The following BANK1 variants were observed in gnomAD, a reference collection of about 807,000 sequenced individuals.
BANK1 encodes the protein B cell scaffold protein with ankyrin repeats 1.
A neutral mutation model predicts 94.5 loss-of-function variants in BANK1; 95 were observed. The ratio of observed to expected loss-of-function variants is 1.00; its 90% CI spans 0.85 to 1.19. The LOEUF (loss-of-function observed/expected upper bound fraction) is 1.19, where lower values mean the gene tolerates loss of function less well. Ranked by LOEUF, BANK1 falls within the 50% of genes most tolerant of loss-of-function variation. The probability of loss-of-function intolerance (pLI) is 0.00; values close to 1 mark genes in which losing one functional copy is unlikely to be tolerated. For synonymous variants in BANK1, 334 were observed against 308.4 expected (o/e 1.08, Z -0.87); for missense variants, 987 against 932.2 (o/e 1.06, Z -0.77).
intron 7 of BANK1, among the ~76,000 whole-genome samples, chr4:101,922,608 T>G (rs1723034479): frequency 6.6e-6 from 1 of 151,832 alleles, no homozygotes; most frequent in South Asian, 2.1e-4. Context: ...AAATAATTGG[T>G]CATATTTCCT....
chr4:101,988,273 A>T (rs1725582950), intron 7 of BANK1, among the ~76,000 whole-genome samples: 1 of 152,206 alleles, frequency 6.6e-6, no homozygotes. Context: ...TATGTTTTCT[A>T]TAAATGTAAA....
At chr4:101,812,382 A>G (rs1287587180) in intron 1 of BANK1, among the ~76,000 whole-genome samples, 1 of 151,996 alleles carries the variant, frequency 6.6e-6, no homozygotes, top group Non-Finnish European at 1.5e-5. Context: ...TCTTATTTTT[A>G]CAAACTCAGA....
At chr4:101,875,752 T>C (rs1001339040) in intron 5 of BANK1, among the ~76,000 whole-genome samples, 2 of 152,182 alleles carry the variant, frequency 1.3e-5, no homozygotes, top group Non-Finnish European at 2.9e-5. Flanking sequence ...CACTCTGAAG[T>C]TGAGTTCCTG....
At position 101,895,378 on chromosome 4, in the gene BANK1, C is replaced by A; in HGVS notation, c.977C>A (p.Ser326Tyr). Residue 326 changes from serine (S) to tyrosine (Y), a missense_variant, in exon 6 of 17, where the codon TCT becomes TAT. Transcript: ENST00000322953. ...KHEIPYYEFQ[S>Y]LQTEICSQNK... ...GAGATACCATATTATGAGTTCCAGT[C>A]TCTTCAAACTGAAATTTGTTCTCAA... 1 of 1,591,884 alleles carries A rather than the reference C, an allele frequency of 6.3e-7. No homozygotes were observed.
intron 7 of BANK1, among the ~76,000 whole-genome samples, chr4:101,929,328 TTA>T (rs1723269276): frequency 1.3e-5 from 2 of 151,606 alleles, no homozygotes; most frequent in Non-Finnish European, 3.0e-5. Flanking sequence ...AAGGTCCAAA[TTA>T]TATGTATGAA....
At chr4:101,990,424 T>G (rs1725660703) in intron 7 of BANK1, among the ~76,000 whole-genome samples, 2 of 152,158 alleles carry the variant, frequency 1.3e-5, no homozygotes, top group Non-Finnish European at 2.9e-5. Flanking sequence ...CCCTATGACT[T>G]CCAAGATACC....
intron 2 of BANK1, among the ~76,000 whole-genome samples, chr4:101,844,895 T>G (rs1047238888): frequency 6.6e-6 from 1 of 150,528 alleles, no homozygotes; most frequent in Admixed American, 6.6e-5. Flanking sequence ...TAGACCTAAC[T>G]GGGAAGGGTC....
chr4:101,916,292 TCTTTATTGTGTG>T (rs925824087), intron 6 of BANK1, among the ~76,000 whole-genome samples: 22 of 152,056 alleles, frequency 1.4e-4, no homozygotes, highest in African/African-American at 4.6e-4. Context: ...TTTAATCTTC[TCTTTATTGTGTG>T]CTTTATTGTT....
intron 2 of BANK1, among the ~76,000 whole-genome samples, chr4:101,839,944 T>A (rs945555749): frequency 0.11 from 2,034 of 17,828 alleles, 41 homozygotes; most frequent in African/African-American, 0.37. Context: ...TTAATTTTTT[T>A]TTTTTTTTTT....
intron 1 of BANK1, among the ~76,000 whole-genome samples, chr4:101,800,669 C>G (rs1390477237): frequency 6.6e-6 from 1 of 152,152 alleles, no homozygotes; most frequent in Admixed American, 6.5e-5. Flanking sequence ...CTGACTATTG[C>G]TAGATAAAAA....
chr4:101,802,684 A>G (rs1725395241), intron 1 of BANK1, among the ~76,000 whole-genome samples: 1 of 152,206 alleles, frequency 6.6e-6, no homozygotes, highest in African/African-American at 2.4e-5. Flanking sequence ...GTAGGACCGT[A>G]TGTAACTTCA....
intron 1 of BANK1, among the ~76,000 whole-genome samples, chr4:101,796,698 G>A (rs982384051): frequency 3.9e-5 from 6 of 152,162 alleles, no homozygotes; most frequent in Non-Finnish European, 7.4e-5. Flanking sequence ...TTTGAATTAT[G>A]TAGCTATAGA....
chr4:101,813,074 A>G (rs547171126), intron 1 of BANK1, among the ~76,000 whole-genome samples: 28 of 152,210 alleles, frequency 1.8e-4, no homozygotes, highest in African/African-American at 6.7e-4. Flanking sequence ...ATCACCATTG[A>G]TATTATTTTT....
rs1578342176 is a variant in BANK1, at chr4:101,830,047, A to G, written c.310A>G (p.Ile104Val). Residue 104 changes from isoleucine to valine, a missense_variant, in exon 2 of 17, where the codon ATA becomes GTA. Coordinates refer to ENST00000322953, the MANE Select transcript of BANK1 (RefSeq NM_017935.5). ...AAAGAAATGTCAGTTTCTGGAAAAG[A>G]TACTTCATTCACCAAAAAGTGTAGT... ...TPKKCQFLEK[I>V]LHSPKSVVTL... 1 of 1,613,926 alleles carries G rather than the reference A, an allele frequency of 6.2e-7. No homozygotes were observed. Among genetic ancestry groups the G allele is most frequent in the East Asian group, 2.2e-5 (1 of 44,808 alleles).
At chr4:101,831,467 T>C (rs1327930677) in intron 2 of BANK1, among the ~76,000 whole-genome samples, 1 of 152,106 alleles carries the variant, frequency 6.6e-6, no homozygotes, top group Non-Finnish European at 1.5e-5. Flanking sequence ...AATTCAATGG[T>C]TTTTTTGTTT....
At chr4:102,060,103 A>G (rs999333547) in intron 11 of BANK1, 108 bp from the exon 12 acceptor site, 6 of 1,001,690 alleles carry the variant, frequency 6.0e-6, no homozygotes, top group East Asian at 5.6e-5. Context: ...TTAACTGCTC[A>G]TAGAGAGTTA....
intron 10 of BANK1, among the ~76,000 whole-genome samples, chr4:102,036,419 T>C (rs1727515240): frequency 1.3e-5 from 2 of 152,234 alleles, no homozygotes; most frequent in African/African-American, 4.8e-5. Flanking sequence ...TATAATGGTC[T>C]CTGTCCTCAT....
Position 101,870,480 on chromosome 4 carries a change from C to T in BANK1, c.764-25C>T, listed in dbSNP as rs765786657. 38 of 1,603,652 alleles carry T rather than the reference C, an allele frequency of 2.4e-5. No homozygotes were observed. In the East Asian group the frequency reaches 4.9e-4, roughly 21 times the overall value. ...TGAATATGCATTATATACTCTGCCC[C>T]TAACCCTTGTTTGTTTTTCATAAGA... On this transcript the variant is annotated intron_variant, in intron 4 of 16. Transcript: ENST00000322953.
At chr4:102,007,669 C>G (rs1726350659) in intron 7 of BANK1, among the ~76,000 whole-genome samples, 4 of 151,964 alleles carry the variant, frequency 2.6e-5, no homozygotes, top group Non-Finnish European at 5.9e-5. Flanking sequence ...AAATGTTTCT[C>G]CTCTGAAAAC....
Sources: gnomAD v4.1 joint callset for allele counts (sites outside exome capture counted in the v4.1 genomes callset) on GRCh38, gnomAD v4.1.1 for gene constraint, MANE v1.5 for transcripts, NCBI Gene and HGNC (gene_info 2026-07-23, HGNC 2026-07-21) for gene names.